Variants in CACNA1C observed in about 807,000 individuals in gnomAD.
CACNA1C encodes the protein voltage-dependent L-type calcium channel subunit alpha-1C.
CACNA1C carries 30 observed loss-of-function variants against 229.0 expected under a neutral mutation model. The observed-to-expected ratio is 0.13, with a 90% CI of 0.10 to 0.18. CACNA1C has a LOEUF of 0.18. Ranked by LOEUF, CACNA1C falls within the 10% of genes least tolerant of loss-of-function variation. The pLI, the probability that CACNA1C is intolerant of heterozygous loss-of-function variation, is 1.00. For synonymous variants in CACNA1C, 1,114 were observed against 1,132.5 expected (o/e 0.98, Z 0.33); for missense variants, 1,658 against 2,845.0 (o/e 0.58, Z 9.49).
At chr12:2,373,735 AC>A (rs2097935688) in intron 3 of CACNA1C, among the ~76,000 whole-genome samples, 1 of 151,928 alleles carries the variant, frequency 6.6e-6, no homozygotes, top group South Asian at 2.1e-4. Context: ...GCCTTAACAA[AC>A]CCTCTTCAAG....
At chr12:2,565,860 G>A (rs1016525224) in intron 11 of CACNA1C, among the ~76,000 whole-genome samples, 1 of 152,236 alleles carries the variant, frequency 6.6e-6, no homozygotes, top group African/African-American at 2.4e-5. Context: ...AGGGCCAAGA[G>A]GCTGGGCAGA....
chr12:2,409,134 A>G (rs1225591927), intron 3 of CACNA1C, among the ~76,000 whole-genome samples: 7 of 152,240 alleles, frequency 4.6e-5, no homozygotes, highest in Non-Finnish European at 8.8e-5. Flanking sequence ...ATACACACTT[A>G]CATTGGACTT....
intron 1 of CACNA1C, among the ~76,000 whole-genome samples, chr12:2,088,221 A>G (rs924845078): frequency 6.6e-6 from 1 of 152,234 alleles, no homozygotes; most frequent in African/African-American, 2.4e-5. Context: ...GCCTTGAGAC[A>G]TGCAGCTTTT....
At chr12:2,661,315 A>ACACACACACACACACACACACACACAC in intron 34 of CACNA1C, among the ~76,000 whole-genome samples, 1 of 144,396 alleles carries the variant, frequency 6.9e-6, no homozygotes, top group Non-Finnish European at 1.5e-5. Context: ...ACACACACAC[A>ACACACACACACACACACACACACACAC]AGATTTTTCT....
intron 3 of CACNA1C, among the ~76,000 whole-genome samples, chr12:2,358,038 C>A (rs1193348811): frequency 1.3e-5 from 2 of 151,420 alleles, no homozygotes; most frequent in Non-Finnish European, 2.9e-5. Flanking sequence ...TTATCATAAT[C>A]GTATCTAAAG....
chr12:2,279,136 G>GT (rs1307102978), intron 3 of CACNA1C, among the ~76,000 whole-genome samples: 3 of 151,868 alleles, frequency 2.0e-5, no homozygotes, highest in South Asian at 2.1e-4. Flanking sequence ...CTGGCTATAA[G>GT]TTTTTTTTAA....
chr12:2,023,772 A>G (rs1023613661), intron 1 of CACNA1C, among the ~76,000 whole-genome samples: 4 of 152,078 alleles, frequency 2.6e-5, no homozygotes, highest in African/African-American at 7.2e-5. Context: ...ATGGTTGCCA[A>G]TGAAAAATAA....
intron 9 of CACNA1C, among the ~76,000 whole-genome samples, chr12:2,533,563 A>G (rs1161120557): frequency 2.0e-5 from 3 of 152,182 alleles, no homozygotes; most frequent in Non-Finnish European, 4.4e-5. Flanking sequence ...TCCCTGGGGC[A>G]TTCCCATCTG....
intron 1 of CACNA1C, among the ~76,000 whole-genome samples, chr12:2,006,200 T>C (rs1199385008): frequency 1.3e-5 from 2 of 151,906 alleles, no homozygotes; most frequent in South Asian, 4.1e-4. Flanking sequence ...ACAAGGTCAG[T>C]AGTTCAAGAC....
intron 8 of CACNA1C, among the ~76,000 whole-genome samples, chr12:2,511,304 C>T (rs2099783196): frequency 1.3e-5 from 2 of 152,184 alleles, no homozygotes; most frequent in African/African-American, 4.8e-5. Flanking sequence ...TTAGTGCTCT[C>T]CCAAGTGGCA....
In CACNA1C at chr12:2,449,531, T is replaced by TA. The variant is rs150997528; in HGVS notation, c.617+417dup. The stretch of plus-strand genomic sequence containing the variant: ...TACATCCCTCTTCTTCCTTCTGTGT[T>TA]ATCTCTTTTCAATTTGGTCCTAACT... On this transcript the variant is annotated intron_variant, in intron 4 of 46. Coordinates refer to ENST00000399655, the MANE Select transcript of CACNA1C (RefSeq NM_000719.7). Among the ~76,000 whole-genome samples the TA allele has an allele frequency of 4.0e-3, 605 of 152,316 alleles. 5 individuals are homozygous for TA. Among genetic ancestry groups the TA allele is most frequent in the African/African-American group, 0.013 (555 of 41,566 alleles).
rs55670243 is a variant in CACNA1C, at chr12:2,579,166, G to C, written c.1896-2424G>C. Reference sequence around the variant, plus strand: ...CAGGCTCCCGTTGGTCCCCATGGCTGTCAGACATACCTGGGTCTCAGGTAT... The same window carrying C: ...CAGGCTCCCGTTGGTCCCCATGGCTCTCAGACATACCTGGGTCTCAGGTAT... On this transcript the variant is annotated intron_variant, in intron 13 of 46. Coordinates refer to ENST00000399655, the MANE Select transcript of CACNA1C (RefSeq NM_000719.7). Among the ~76,000 whole-genome samples, 822 of 152,250 alleles carry C rather than the reference G, an allele frequency of 5.4e-3. 10 individuals carry two copies. Among genetic ancestry groups the C allele is most frequent in the African/African-American group, 0.019 (781 of 41,536 alleles).
intron 3 of CACNA1C, among the ~76,000 whole-genome samples, chr12:2,442,588 G>T (rs1332112236): frequency 6.6e-6 from 1 of 152,216 alleles, no homozygotes; most frequent in East Asian, 1.9e-4. Context: ...ATCCCTTCCA[G>T]CCTGTATTGG....
intron 1 of CACNA1C, among the ~76,000 whole-genome samples, chr12:2,003,594 A>T (rs1037862014): frequency 3.3e-5 from 5 of 152,214 alleles, no homozygotes; most frequent in Non-Finnish European, 7.3e-5. Flanking sequence ...ATTTCATTCC[A>T]TTACCATTTA....
chr12:2,626,151 T>C (rs1326975116), intron 29 of CACNA1C, among the ~76,000 whole-genome samples: 1 of 152,202 alleles, frequency 6.6e-6, no homozygotes, highest in East Asian at 1.9e-4. Flanking sequence ...GCCGGCCAGA[T>C]GCCCTGGCCA....
chr12:2,146,543 C>T (rs1027515834), intron 3 of CACNA1C, among the ~76,000 whole-genome samples: 2 of 151,134 alleles, frequency 1.3e-5, no homozygotes, highest in Non-Finnish European at 3.0e-5. Context: ...GGGGCAGCCC[C>T]GGGCCTGAGG....
intron 3 of CACNA1C, among the ~76,000 whole-genome samples, chr12:2,159,985 A>G (rs180991297): frequency 6.6e-5 from 10 of 152,288 alleles, no homozygotes; most frequent in African/African-American, 2.4e-4. Context: ...AGTATCTGTT[A>G]TGTGCTGGGC....
intron 1 of CACNA1C, among the ~76,000 whole-genome samples, chr12:2,077,996 A>G (rs908847849): frequency 1.3e-5 from 2 of 152,256 alleles, no homozygotes. Flanking sequence ...TGGTGTATAC[A>G]TACTGCTGTG....
At chr12:2,659,141 G>A (rs1354877486) in intron 34 of CACNA1C, among the ~76,000 whole-genome samples, 1 of 152,128 alleles carries the variant, frequency 6.6e-6, no homozygotes, top group Non-Finnish European at 1.5e-5. Context: ...GGCCCTCACA[G>A]TCACTCACCA....
Sources: gnomAD v4.1 joint callset for allele counts (sites outside exome capture counted in the v4.1 genomes callset) on GRCh38, gnomAD v4.1.1 for gene constraint, MANE v1.5 for transcripts, NCBI Gene and HGNC (gene_info 2026-07-23, HGNC 2026-07-21) for gene names.